The following AMPH variants were observed in gnomAD, a reference collection of about 807,000 sequenced individuals.
AMPH encodes amphiphysin, also known as amphiphysin (Stiff-Mann syndrome with breast cancer 128kD autoantigen).
In AMPH, 49 loss-of-function variants were observed where a neutral mutation model predicts 99.1. The observed-to-expected ratio is 0.49, with a 90% CI of 0.39 to 0.63. AMPH has a LOEUF of 0.63. Ranked by LOEUF, AMPH falls within the 20% of genes least tolerant of loss-of-function variation. The pLI, the probability that AMPH is intolerant of heterozygous loss-of-function variation, is 0.00. For synonymous variants in AMPH, 314 were observed against 317.3 expected (o/e 0.99, Z 0.11); for missense variants, 759 against 863.4 (o/e 0.88, Z 1.52).
chr7:38,464,575 C>T (rs1456835662), intron 9 of AMPH, among the ~76,000 whole-genome samples: 2 of 151,966 alleles, frequency 1.3e-5, no homozygotes, highest in Non-Finnish European at 2.9e-5. Flanking sequence ...TAAATGTATG[C>T]AAATAAGTGT....
chr7:38,459,992 TA>T (rs535502971), intron 11 of AMPH, among the ~76,000 whole-genome samples: 1 of 151,338 alleles, frequency 6.6e-6, no homozygotes, highest in South Asian at 2.1e-4. Context: ...ACTCAATAAT[TA>T]AAAAAACAAA....
At chr7:38,431,543 C>T (rs1182615492) in intron 13 of AMPH, among the ~76,000 whole-genome samples, 1 of 151,746 alleles carries the variant, frequency 6.6e-6, no homozygotes, top group Non-Finnish European at 1.5e-5. Flanking sequence ...GTAGTCCCAG[C>T]TACTTGGGAG....
chr7:38,518,508 T>C (rs1231794511), intron 2 of AMPH, among the ~76,000 whole-genome samples: 2 of 152,252 alleles, frequency 1.3e-5, no homozygotes, highest in African/African-American at 4.8e-5. Flanking sequence ...AGGGTGATTA[T>C]TCTCCAGCTT....
intron 1 of AMPH, among the ~76,000 whole-genome samples, chr7:38,622,450 T>TACAC (rs1340763607): frequency 2.7e-5 from 2 of 74,772 alleles, no homozygotes; most frequent in African/African-American, 6.4e-5. Flanking sequence ...TATGTATGAA[T>TACAC]ACATACACAC....
At chr7:38,471,895 A>G (rs1486685535) in intron 7 of AMPH, among the ~76,000 whole-genome samples, 1 of 152,192 alleles carries the variant, frequency 6.6e-6, no homozygotes, top group Non-Finnish European at 1.5e-5. Flanking sequence ...GACAGTTTAT[A>G]AAGAAAAAAC....
chr7:38,453,072 T>G (rs1018641386), intron 11 of AMPH, among the ~76,000 whole-genome samples: 3 of 152,144 alleles, frequency 2.0e-5, no homozygotes, highest in African/African-American at 7.2e-5. Flanking sequence ...ATGGAAACAC[T>G]CCAAGTCATA....
intron 1 of AMPH, among the ~76,000 whole-genome samples, chr7:38,557,175 G>A (rs1172226735): frequency 6.6e-6 from 1 of 152,124 alleles, no homozygotes; most frequent in Non-Finnish European, 1.5e-5. Context: ...AAAGGCGCGG[G>A]AATAGCTATA....
At chr7:38,613,343 A>G (rs942169030) in intron 1 of AMPH, among the ~76,000 whole-genome samples, 15 of 152,232 alleles carry the variant, frequency 9.9e-5, no homozygotes, top group Admixed American at 3.9e-4. Flanking sequence ...ATAGGACCCA[A>G]TACAGGTAGA....
chr7:38,434,781 G>A (rs539507988), intron 12 of AMPH, among the ~76,000 whole-genome samples: 10 of 151,758 alleles, frequency 6.6e-5, no homozygotes, highest in African/African-American at 2.4e-4. Context: ...TAAGGCAGAG[G>A]AAATCCTGTG....
At chr7:38,510,256 T>C (rs1789488798) in intron 2 of AMPH, among the ~76,000 whole-genome samples, 1 of 152,176 alleles carries the variant, frequency 6.6e-6, no homozygotes, top group African/African-American at 2.4e-5. Context: ...CGTGCGTCCC[T>C]GTTGCCTCTC....
intron 16 of AMPH, among the ~76,000 whole-genome samples, chr7:38,418,606 A>G (rs773278525): frequency 6.6e-6 from 1 of 152,210 alleles, no homozygotes; most frequent in Non-Finnish European, 1.5e-5. Flanking sequence ...TGCTACTACA[A>G]TCATAGATAC....
intron 16 of AMPH, 103 bp from the exon 17 acceptor site, chr7:38,418,053 G>A (rs1438959190): frequency 2.7e-5 from 35 of 1,318,276 alleles, no homozygotes; most frequent in Non-Finnish European, 3.5e-5. Context: ...CATCCCATAG[G>A]CAACTAGCTT....
At chr7:38,519,742 C>G (rs71548617) in intron 2 of AMPH, among the ~76,000 whole-genome samples, 2 of 152,056 alleles carry the variant, frequency 1.3e-5, no homozygotes, top group Non-Finnish European at 2.9e-5. Flanking sequence ...AGGATCAAGC[C>G]CAGGCCATGT....
intron 10 of AMPH, among the ~76,000 whole-genome samples, chr7:38,462,303 T>C (rs956965400): frequency 2.0e-5 from 3 of 152,212 alleles, no homozygotes; most frequent in African/African-American, 7.2e-5. Flanking sequence ...TATTTTCTAC[T>C]TACGATGGGT....
intron 17 of AMPH, among the ~76,000 whole-genome samples, chr7:38,413,682 G>A (rs113561732): frequency 2.0e-5 from 3 of 151,878 alleles, no homozygotes; most frequent in South Asian, 2.1e-4. Flanking sequence ...CCATCTCCAA[G>A]GTTCTCATAA....
chr7:38,454,882 T>G (rs749109264), intron 11 of AMPH, among the ~76,000 whole-genome samples: 2 of 152,128 alleles, frequency 1.3e-5, no homozygotes, highest in Non-Finnish European at 2.9e-5. Context: ...GCAAATATGT[T>G]TTTGCAAACA....
chr7:38,587,587 T>C (rs188248202), intron 1 of AMPH, among the ~76,000 whole-genome samples: 31 of 152,306 alleles, frequency 2.0e-4, no homozygotes, highest in African/African-American at 7.5e-4. Flanking sequence ...GGCTGGGAAA[T>C]GCAAAGGTAA....
chr7:38,468,244 C>G (rs1299540445), intron 7 of AMPH, among the ~76,000 whole-genome samples: 1 of 152,138 alleles, frequency 6.6e-6, no homozygotes, highest in Non-Finnish European at 1.5e-5. Flanking sequence ...GTTTATATTT[C>G]TTCAATTAAA....
intron 1 of AMPH, among the ~76,000 whole-genome samples, chr7:38,595,091 C>A (rs923478307): frequency 2.6e-5 from 4 of 152,162 alleles, no homozygotes; most frequent in Non-Finnish European, 5.9e-5. Context: ...ATGGCCAGGG[C>A]TCTGAGCTCC....
Sources: gnomAD v4.1 joint callset for allele counts (sites outside exome capture counted in the v4.1 genomes callset) on GRCh38, gnomAD v4.1.1 for gene constraint, MANE v1.5 for transcripts, NCBI Gene and HGNC (gene_info 2026-07-23, HGNC 2026-07-21) for gene names.